The following ASB3 variants were observed in gnomAD, a reference collection of about 807,000 sequenced individuals.
ASB3 encodes ankyrin repeat and SOCS box protein 3.
In ASB3, 41 loss-of-function variants were observed where a neutral mutation model predicts 54.5. The observed-to-expected ratio is 0.75, with a 90% CI of 0.59 to 0.98. The LOEUF (loss-of-function observed/expected upper bound fraction) is 0.98. Among genes scored for constraint, ASB3 ranks in the 50% least tolerant of loss-of-function variants. The pLI is 0.00. For synonymous variants in ASB3, 266 were observed against 221.2 expected, an observed-to-expected ratio of 1.20 and a Z score of -1.80; for missense variants, 733 against 620.0, an observed-to-expected ratio of 1.18 and a Z score of -1.94.
intron 2 of ASB3, among the ~76,000 whole-genome samples, chr2:53,755,379 G>C (rs1672757892): frequency 6.6e-6 from 1 of 152,192 alleles, no homozygotes; most frequent in Non-Finnish European, 1.5e-5. Context: ...GGTAGTAATG[G>C]GTGATAGACC....
At chr2:53,750,320 C>A (rs1672448083) in intron 3 of ASB3, among the ~76,000 whole-genome samples, 1 of 152,088 alleles carries the variant, frequency 6.6e-6, no homozygotes, top group Non-Finnish European at 1.5e-5. Context: ...CAGTCTGTAA[C>A]AGAAGAGGTC....
intron 3 of ASB3, among the ~76,000 whole-genome samples, chr2:53,738,802 T>G (rs978119307): frequency 2.0e-5 from 3 of 152,140 alleles, no homozygotes; most frequent in African/African-American, 4.8e-5. Flanking sequence ...TAGTATCTGG[T>G]ATTAAAAAAT....
intron 9 of ASB3, among the ~76,000 whole-genome samples, chr2:53,686,462 T>G (rs533080422): frequency 4.6e-5 from 7 of 152,218 alleles, no homozygotes; most frequent in Non-Finnish European, 1.0e-4. Flanking sequence ...AGCTGTCATC[T>G]AAGCAGCTAC....
intron 2 of ASB3, 40 bp from the exon 3 acceptor site, chr2:53,750,981 T>C (rs1269587959): frequency 1.4e-6 from 2 of 1,427,882 alleles, no homozygotes; most frequent in African/African-American, 2.9e-5. Context: ...AAGGTATTAC[T>C]TCTATTTCCT....
In ASB3 at chr2:53,756,871, C is replaced by G. The variant is rs145962439; in HGVS notation, c.197-5930G>C. 827 of 153,004 alleles carry G rather than the reference C, an allele frequency of 5.4e-3. 4 individuals are homozygous for G. The highest frequency in any genetic ancestry group is 9.1e-3 in the Admixed American group (140 of 15,312). The allele number at this position is 153,004 out of a possible 1,614,324, so 9.5% of individuals were successfully genotyped here. On this transcript the variant is annotated intron_variant, in intron 2 of 9. Transcript: ENST00000263634. The stretch of plus-strand genomic sequence containing the variant: ...CAGCGAGGCGGCGCCCATTGCCACT[C>G]CCAGTCGGGCTAGAGGCTCACCATT...
chr2:53,728,997 G>T, intron 4 of ASB3, 150 bp from the exon 5 acceptor site: 1 of 874,090 alleles, frequency 1.1e-6, no homozygotes, highest in Non-Finnish European at 1.6e-6. Context: ...GTATTAGTTG[G>T]AAAGAAATTG....
intron 5 of ASB3, among the ~76,000 whole-genome samples, chr2:53,719,052 C>G (rs1342392839): frequency 2.6e-5 from 4 of 152,160 alleles, no homozygotes; most frequent in Non-Finnish European, 4.4e-5. Flanking sequence ...TCCCGAGTAG[C>G]TGGGACTACA....
At chr2:53,748,356 T>A (rs1672339195) in intron 3 of ASB3, 2 of 152,188 alleles carry the variant, frequency 1.3e-5, no homozygotes, top group South Asian at 4.1e-4. Flanking sequence ...TGAGCCTCAA[T>A]AAATGCTTCC....
chr2:53,735,785 C>T (rs1671594046), intron 3 of ASB3, among the ~76,000 whole-genome samples: 1 of 151,936 alleles, frequency 6.6e-6, no homozygotes, highest in South Asian at 2.1e-4. Context: ...ATGGTATTGG[C>T]ACAGGATAGA....
intron 9 of ASB3, among the ~76,000 whole-genome samples, chr2:53,693,610 T>TA: frequency 6.6e-6 from 1 of 152,250 alleles, no homozygotes; most frequent in Admixed American, 6.5e-5. Context: ...TAATCCTTAT[T>TA]AAAAATAAAA....
chr2:53,759,656 G>A (rs1356753546), intron 2 of ASB3, among the ~76,000 whole-genome samples: 1 of 152,094 alleles, frequency 6.6e-6, no homozygotes, highest in African/African-American at 2.4e-5. Flanking sequence ...GGAAAGGCTG[G>A]GCAAATCGAA....
intron 1 of ASB3, chr2:53,786,254 C>G (rs1172128302): frequency 2.0e-5 from 3 of 152,324 alleles, no homozygotes; most frequent in Admixed American, 2.0e-4. Flanking sequence ...ACACATTCAT[C>G]TGGCGCTAAA....
intron 1 of ASB3, among the ~76,000 whole-genome samples, chr2:53,778,126 G>A (rs952179550): frequency 3.6e-5 from 5 of 137,322 alleles, no homozygotes; most frequent in South Asian, 2.3e-4. Context: ...TCCAGCCTGC[G>A]CAACAGAGCA....
At chr2:53,765,712 A>G in intron 1 of ASB3, 127 bp from the exon 2 acceptor site, 1 of 1,091,792 alleles carries the variant, frequency 9.2e-7, no homozygotes, top group Non-Finnish European at 1.3e-6. Context: ...CCCACAATAC[A>G]GAAAGTGACT....
chr2:53,766,032 T>C (rs1225141481), intron 1 of ASB3, among the ~76,000 whole-genome samples: 3 of 152,108 alleles, frequency 2.0e-5, no homozygotes, highest in Admixed American at 1.3e-4. Context: ...AGCCTCAATA[T>C]ACAGCCCTCT....
chr2:53,763,834 C>A (rs1673285680), intron 2 of ASB3, among the ~76,000 whole-genome samples: 1 of 152,158 alleles, frequency 6.6e-6, no homozygotes, highest in South Asian at 2.1e-4. Context: ...TAACTTCAAA[C>A]AGATTCTGAA....
At chr2:53,737,230 A>G (rs1413670428) in intron 3 of ASB3, among the ~76,000 whole-genome samples, 1 of 152,098 alleles carries the variant, frequency 6.6e-6, no homozygotes, top group African/African-American at 2.4e-5. Context: ...GCCCATGATC[A>G]CCCCAGCTCT....
intron 7 of ASB3, among the ~76,000 whole-genome samples, chr2:53,713,797 C>A (rs1670236124): frequency 6.6e-6 from 1 of 151,916 alleles, no homozygotes; most frequent in African/African-American, 2.4e-5. Flanking sequence ...CCTGTAGACC[C>A]AGCTACTCTG....
At chr2:53,755,982 C>T (rs903486619) in intron 2 of ASB3, among the ~76,000 whole-genome samples, 2 of 151,042 alleles carry the variant, frequency 1.3e-5, no homozygotes, top group African/African-American at 2.4e-5. Flanking sequence ...GTAAGACCCC[C>T]CCCCCACCTC....
Sources: gnomAD v4.1 joint callset for allele counts (sites outside exome capture counted in the v4.1 genomes callset) on GRCh38, gnomAD v4.1.1 for gene constraint, MANE v1.5 for transcripts, NCBI Gene and HGNC (gene_info 2026-07-23, HGNC 2026-07-21) for gene names.